HECTD4: variants seen among roughly 807,000 people sequenced by gnomAD.
HECTD4 encodes the protein probable E3 ubiquitin-protein ligase HECTD4.
In HECTD4, 114 loss-of-function variants were observed where a neutral mutation model predicts 471.5. That is an observed-to-expected ratio of 0.24 (90% confidence interval 0.21 to 0.28). The LOEUF (loss-of-function observed/expected upper bound fraction) is 0.28, where lower values mean the gene tolerates loss of function less well. HECTD4 is among the 10% of genes least tolerant of loss of function. The pLI, the probability that HECTD4 is intolerant of heterozygous loss-of-function variation, is 1.00. For missense variants in HECTD4, 3,866 were observed against 5,651.5 expected (o/e 0.68, Z 10.13); for synonymous variants, 2,012 against 2,256.0 (o/e 0.89, Z 3.07).
At chr12:112,261,809 G>T in intron 17 of HECTD4, 1 of 163,636 alleles carries the variant, frequency 6.1e-6, no homozygotes, top group Non-Finnish European at 1.3e-5. Flanking sequence ...ACTGCCTTGG[G>T]TGGTATGAGG....
chr12:112,290,605 T>C (rs1334595221), intron 7 of HECTD4, among the ~76,000 whole-genome samples: 1 of 152,000 alleles, frequency 6.6e-6, no homozygotes, highest in Non-Finnish European at 1.5e-5. Context: ...CACAACACTT[T>C]GGGAGGCCGA....
In HECTD4 at chr12:112,333,971, C is replaced by T. The variant is rs553040268; in HGVS notation, c.178-14229G>A. Among the ~76,000 whole-genome samples the T allele has an allele frequency of 3.3e-5, 5 of 151,872 alleles. No individual in the cohort carries two copies. In the South Asian group the frequency reaches 6.3e-4, roughly 19 times the overall value. On this transcript the variant is annotated intron_variant, in intron 1 of 75. Transcript: ENST00000682272. ...TGTCTGTAATCCCAGCAGTTTGGGA[C>T]CCCAAGGTGGGTGGATCACCTGAGG...
intron 12 of HECTD4, 31 bp downstream of exon 12, chr12:112,270,193 TATC>T (rs2034382556): frequency 6.4e-7 from 1 of 1,571,714 alleles, no homozygotes; most frequent in Non-Finnish European, 8.7e-7. Context: ...TCCTTTTCTC[TATC>T]ATCTTATTTA....
Position 112,274,941 on chromosome 12 carries a change from C to A in HECTD4, c.1707G>T (p.Val569=). The part of the protein sequence containing the change: ...SSLKILASSL[V]YNISDGQFTS... ...TAAACTGACCATCCGAAATATTATA[C>A]ACCAAGCTGGAGGCTAGGACTTTGG... is the stretch of plus-strand genomic sequence containing the variant. The change falls in exon 10 of 76, where the codon GTG becomes GTT. Residue 569 remains valine, a synonymous_variant. Coordinates refer to ENST00000682272, the MANE Select transcript of HECTD4 (RefSeq NM_001388303.1). 1 of 1,548,832 alleles carries A rather than the reference C, an allele frequency of 6.5e-7. No individual in the cohort carries two copies. Among genetic ancestry groups the A allele is most frequent in the Non-Finnish European group, 8.7e-7 (1 of 1,145,450 alleles).
chr12:112,350,891 A>G (rs886320008), intron 1 of HECTD4, among the ~76,000 whole-genome samples: 48 of 152,324 alleles, frequency 3.2e-4, no homozygotes, highest in African/African-American at 1.2e-3. Flanking sequence ...TGGCTAGCTC[A>G]GTAGATTAGA....
chr12:112,192,640 T>C lies in HECTD4; in HGVS notation c.9212A>G (p.Asn3071Ser), dbSNP rs577106854. The C allele has an allele frequency of 3.1e-6, 5 of 1,609,490 alleles. No individual in the cohort carries two copies. Among genetic ancestry groups the C allele is most frequent in the Non-Finnish European group, 3.4e-6 (4 of 1,178,378 alleles). Residue 3071 changes from asparagine (N) to serine (S), a missense_variant, in exon 59 of 76, where the codon AAC (asparagine) becomes AGC (serine). Asn to Ser is a conservative substitution (Grantham distance 46, BLOSUM62 1). Around this residue, in one of 16 missense-constraint regions of HECTD4, gnomAD observed 364 missense variants for 413.2 expected, o/e 0.88. Coordinates refer to ENST00000682272, the MANE Select transcript of HECTD4 (RefSeq NM_001388303.1). Reference protein sequence around the residue: ...ACYPRDASPANTGLAPPPTAD... With the variant: ...ACYPRDASPASTGLAPPPTAD... ...GGTGGGGGGAGGTGCAAGCCCAGTG[T>C]TGGCTGGGGACGCGTCCCGCGGGTA...
At chr12:112,276,013 C>T (rs552331931) in intron 9 of HECTD4, among the ~76,000 whole-genome samples, 3 of 152,186 alleles carry the variant, frequency 2.0e-5, no homozygotes, top group South Asian at 4.1e-4. Context: ...TTGTGCAGCT[C>T]ACAAATCTGC....
intron 1 of HECTD4, among the ~76,000 whole-genome samples, chr12:112,360,449 C>A (rs906561105): frequency 2.0e-5 from 3 of 152,188 alleles, no homozygotes; most frequent in African/African-American, 7.2e-5. Flanking sequence ...CATCCATCAT[C>A]CCAAGAATAA....
chr12:112,183,140 C>T lies in HECTD4; in HGVS notation c.10906G>A (p.Val3636Met), dbSNP rs760952012. The change falls in exon 62 of 76, where the codon GTG (valine) becomes ATG (methionine). Residue 3636 changes from valine (V) to methionine (M), a missense_variant. Physicochemically the swap from Val to Met is conservative, Grantham distance 21. Coordinates refer to ENST00000682272, the MANE Select transcript of HECTD4 (RefSeq NM_001388303.1). ...AAGAGACTCTGATTTACTACAGACA[C>T]GGTTAGAATCTCTTCTGTTGACATT... ...MEMSTEEILT[V>M]SVVNQSLFDT... is the part of the protein sequence containing the mutation. 9.9e-6 allele frequency: 16 copies of T among 1,613,066 alleles called. No individual in the cohort carries two copies. The highest frequency in any genetic ancestry group is 1.3e-5 in the Non-Finnish European group (15 of 1,179,186).
chr12:112,212,666 G>C lies in HECTD4; in HGVS notation c.7466-16C>G, dbSNP rs1337201282. On this transcript the variant is annotated splice_polypyrimidine_tract_variant and intron_variant, in intron 48 of 75. Transcript: ENST00000682272. The stretch of plus-strand genomic sequence containing the variant: ...GCCACGTCACCTATAGCAGAGAACG[G>C]GAAGGAAAACATATTTTCTCCCTTT... 1.3e-6 allele frequency: 2 copies of C among 1,575,664 alleles called. No individual in the cohort carries two copies.
intron 67 of HECTD4, among the ~76,000 whole-genome samples, chr12:112,171,531 G>T (rs1324816986): frequency 6.6e-6 from 1 of 152,214 alleles, no homozygotes; most frequent in Non-Finnish European, 1.5e-5. Context: ...GCCATGCCAG[G>T]GCTGTGCACT....
intron 29 of HECTD4, 22 bp from the exon 30 acceptor site, chr12:112,244,031 A>G (rs1265333997): frequency 1.9e-6 from 3 of 1,612,718 alleles, no homozygotes; most frequent in Non-Finnish European, 2.5e-6. Context: ...AGGAATAAAA[A>G]GGCTGACATT....
rs986780272 is a variant in HECTD4, at chr12:112,382,084, AGCGGCCGCCGCCGCCGCCGCCGCC to A, written c.21_44del (p.Ala8_Ala15del). On this transcript the variant is annotated inframe_deletion, in exon 1 of 76. Coordinates refer to ENST00000682272, the MANE Select transcript of HECTD4 (RefSeq NM_001388303.1). The stretch of plus-strand genomic sequence containing the variant: ...TCACCGAGAGCCACTGCGCCGAGTC[AGCGGCCGCCGCCGCCGCCGCCGCC>A]GCGGCCGCCGACGAGCCCATGGCCC... The A allele has an allele frequency of 1.8e-5, 22 of 1,227,630 alleles. No homozygotes were observed. Among genetic ancestry groups the A allele is most frequent in the Middle Eastern group, 3.1e-4 (1 of 3,178 alleles). 76.0% of individuals were successfully genotyped at this position (1,227,630 alleles called of 1,614,324 possible). A position where few individuals can be genotyped will look rare whatever the true frequency, so the allele number is the denominator to read the frequency against.
chr12:112,275,976 C>T (rs2034518039), intron 9 of HECTD4, among the ~76,000 whole-genome samples: 1 of 152,322 alleles, frequency 6.6e-6, no homozygotes, highest in East Asian at 1.9e-4. Flanking sequence ...TTCTACCCCA[C>T]TCCACAATGA....
intron 32 of HECTD4, among the ~76,000 whole-genome samples, chr12:112,241,676 T>C (rs2033644936): frequency 6.6e-6 from 1 of 152,130 alleles, no homozygotes; most frequent in African/African-American, 2.4e-5. Flanking sequence ...CCCAGGCTGG[T>C]CTTGAACTCC....
chr12:112,186,324 T>A lies in HECTD4; in HGVS notation c.9473-831A>T, dbSNP rs12424857. Among the ~76,000 whole-genome samples, 7,820 of 144,436 alleles carry A rather than the reference T, an allele frequency of 0.054. 1,118 individuals are homozygous for A. The East Asian group carries it at 0.59, about 11-fold the overall frequency. The allele number at this position is 144,436 out of a possible 152,430, so 94.8% of individuals were successfully genotyped here. ...GCATATTCTTTTTTTTTTTTTTTTT[T>A]AATTATTTTTTTAATAATTTTTTTT... On this transcript the variant is annotated intron_variant, in intron 60 of 75. Transcript: ENST00000682272.
At chr12:112,341,237 A>G (rs1566117956) in intron 1 of HECTD4, among the ~76,000 whole-genome samples, 2 of 152,304 alleles carry the variant, frequency 1.3e-5, no homozygotes, top group East Asian at 3.9e-4. Context: ...ATGCTCCCCC[A>G]AACAAGACAA....
chr12:112,338,102 C>T (rs1004809100), intron 1 of HECTD4, among the ~76,000 whole-genome samples: 4 of 152,284 alleles, frequency 2.6e-5, no homozygotes, highest in Middle Eastern at 3.4e-3. Flanking sequence ...GGCAGGGCTG[C>T]ACTCCCTCCA....
At chr12:112,293,953 G>A (rs917049903) in intron 7 of HECTD4, among the ~76,000 whole-genome samples, 1 of 152,166 alleles carries the variant, frequency 6.6e-6, no homozygotes, top group Non-Finnish European at 1.5e-5. Context: ...AGGCTGGAGT[G>A]CAGTGGCACA....
Sources: allele counts gnomAD v4.1 joint callset (sites outside exome capture counted in the v4.1 genomes callset), GRCh38; gene constraint gnomAD v4.1.1; regional missense constraint gnomAD v4.1.1; transcripts MANE v1.5; gene names NCBI Gene and HGNC (gene_info 2026-07-23, HGNC 2026-07-21).